CCNL1: variants seen among roughly 807,000 people sequenced by gnomAD.
The protein encoded by CCNL1 is cyclin-L1.
A neutral mutation model predicts 60.6 loss-of-function variants in CCNL1; 13 were observed. That is an observed-to-expected ratio of 0.21 (90% CI 0.14 to 0.34). The LOEUF (loss-of-function observed/expected upper bound fraction) is 0.34, where lower values mean the gene tolerates loss of function less well. Ranked by LOEUF, CCNL1 falls within the 10% of genes least tolerant of loss-of-function variation. The pLI, the probability that CCNL1 is intolerant of heterozygous loss-of-function variation, is 1.00. For synonymous variants in CCNL1, 270 were observed against 244.3 expected (o/e 1.10, Z -0.98); for missense variants, 481 against 664.3 (o/e 0.72, Z 3.03).
chr3:157,152,591 C>T, intron 4 of CCNL1: 2 of 1,079,644 alleles, frequency 1.9e-6, no homozygotes, highest in African/African-American at 1.7e-5. Flanking sequence ...CACTCTATGG[C>T]TTATATTGAT....
intron 4 of CCNL1, 36 bp downstream of exon 4, chr3:157,153,000 T>C (rs1319471826): frequency 6.2e-7 from 1 of 1,606,632 alleles, no homozygotes; most frequent in Non-Finnish European, 8.5e-7. Context: ...AAAGTCCTAA[T>C]ACTTACGAAC....
chr3:157,148,968 G>T (rs1405835974), intron 10 of CCNL1: 1 of 331,648 alleles, frequency 3.0e-6, no homozygotes, highest in Non-Finnish European at 5.5e-6. Flanking sequence ...TATTAATAAG[G>T]GGTTAATGAA....
Position 157,148,336 on chromosome 3 carries a change from T to C in CCNL1, c.1486A>G (p.Arg496Gly). 1.9e-6 allele frequency: 3 copies of C among 1,614,232 alleles called. No homozygotes were observed. Among genetic ancestry groups the C allele is most frequent in the South Asian group, 1.1e-5 (1 of 91,088 alleles). ...KKHRHERGHH[R>G]DRRERSRSFE... ...GAGCGAGATCGTTCACGCCTGTCCC[T>C]ATGATGTCCCCTTTCATGCCTGTGT... The change falls in exon 11 of 11, where the codon AGG becomes GGG. Residue 496 changes from arginine to glycine, a missense_variant. Physicochemically the swap from Arg to Gly is moderately radical, Grantham distance 125 (BLOSUM62 -2). Coordinates refer to ENST00000295926, the MANE Select transcript of CCNL1 (RefSeq NM_020307.4).
chr3:157,145,424 C>T (rs59865540), downstream of CCNL1, among the ~76,000 whole-genome samples: 26,493 of 106,412 alleles, frequency 0.25, 3,303 homozygotes, highest in Admixed American at 0.46. Context: ...GGAGACAGAG[C>T]GAGACTTCAT....
downstream of CCNL1, chr3:157,146,665 C>T (rs548122581): frequency 1.6e-5 from 6 of 371,346 alleles, no homozygotes; most frequent in East Asian, 4.7e-4. Flanking sequence ...GCTAACAGGG[C>T]CTTTGCTGAC....
At chr3:157,147,486 C>CAT (rs1286160598), downstream of CCNL1, 5 of 661,802 alleles carry the variant, frequency 7.6e-6, no homozygotes, top group East Asian at 6.8e-4. Flanking sequence ...TAGGGTACCT[C>CAT]ATTTCAGAAA....
intron 3 of CCNL1, chr3:157,154,079 T>C (rs916766919): frequency 1.3e-5 from 2 of 152,216 alleles, no homozygotes; most frequent in African/African-American, 4.8e-5. Context: ...GAAGTTTCTA[T>C]AATACAGAAG....
Position 157,160,126 on chromosome 3 carries a change from A to T in CCNL1, c.-32T>A, listed in dbSNP as rs772304472. On this transcript the variant is annotated 5_prime_UTR_variant, in exon 1 of 11. Coordinates refer to ENST00000295926, the MANE Select transcript of CCNL1 (RefSeq NM_020307.4). ...AGCGAGCCGCACGCAAGCCCAACGCAGCCGGAACCCGAAACAAGACTAACC... is the reference window on the plus strand; with the variant it reads ...AGCGAGCCGCACGCAAGCCCAACGCTGCCGGAACCCGAAACAAGACTAACC... The T allele has an allele frequency of 1.3e-6, 2 of 1,526,916 alleles. No homozygotes were observed. Among genetic ancestry groups the T allele is most frequent in the Non-Finnish European group, 1.8e-6 (2 of 1,134,776 alleles). 94.6% of individuals were successfully genotyped at this position (1,526,916 alleles called of 1,614,324 possible).
At chr3:157,159,004 A>G in intron 2 of CCNL1, 29 bp from the exon 3 acceptor site, 1 of 1,456,462 alleles carries the variant, frequency 6.9e-7, no homozygotes, top group South Asian at 1.2e-5. Context: ...CACAAAAGCC[A>G]TTGTTAGATT....
chr3:157,148,933 TTGAC>T, intron 10 of CCNL1: 1 of 334,692 alleles, frequency 3.0e-6, no homozygotes, highest in Non-Finnish European at 5.4e-6. Flanking sequence ...AGAAGATTCA[TTGAC>T]TGGTTAATTT....
At chr3:157,156,512 C>T (rs983357644) in intron 3 of CCNL1, among the ~76,000 whole-genome samples, 1 of 152,176 alleles carries the variant, frequency 6.6e-6, no homozygotes, top group Admixed American at 6.5e-5. Flanking sequence ...CTAAATTTAG[C>T]TGTTTATTGT....
intron 5 of CCNL1, chr3:157,150,602 C>G (rs1422200759): frequency 1.6e-6 from 2 of 1,220,720 alleles, no homozygotes; most frequent in African/African-American, 3.1e-5. Context: ...GAGCGAAGCC[C>G]TTTTAAATTA....
intron 3 of CCNL1, 123 bp downstream of exon 3, chr3:157,158,743 C>T: frequency 1.6e-6 from 1 of 608,000 alleles, no homozygotes; most frequent in East Asian, 2.9e-5. Context: ...ACTTTAACAC[C>T]TAAATTAAAG....
chr3:157,155,335 A>G (rs1354915206), intron 3 of CCNL1, among the ~76,000 whole-genome samples: 1 of 152,170 alleles, frequency 6.6e-6, no homozygotes, highest in Non-Finnish European at 1.5e-5. Flanking sequence ...TGTTCTTGCA[A>G]TTACACTAAA....
rs1351909507 is a variant in CCNL1, at chr3:157,148,498, T to G, written c.1324A>C (p.Asn442His). The G allele has an allele frequency of 7.4e-6, 12 of 1,614,218 alleles. No individual in the cohort carries two copies. The highest frequency in any genetic ancestry group is 1.0e-5 in the Non-Finnish European group (12 of 1,180,034). The change falls in exon 11 of 11, where the codon AAT becomes CAT. Residue 442 changes from asparagine to histidine, a missense_variant. Asn to His is a moderately conservative substitution (Grantham distance 68, BLOSUM62 1). This residue lies in a region of CCNL1 where 197 missense variants were observed against 233.9 expected (regional missense o/e 0.84). Coordinates refer to ENST00000295926, the MANE Select transcript of CCNL1 (RefSeq NM_020307.4). ...GCCTTAAGGTGAGGAGAACCATGAT[T>G]ATGATGTCTTCGAGGGCTTTCACTG... ...SHSESPRRHH[N>H]HGSPHLKAKH...
At chr3:157,149,684 C>T in intron 8 of CCNL1, 88 bp from the exon 9 acceptor site, 2 of 1,462,894 alleles carry the variant, frequency 1.4e-6, no homozygotes, top group Non-Finnish European at 9.4e-7. Flanking sequence ...AAGTACCATG[C>T]TTCCGCTTCC....
Position 157,159,987 on chromosome 3 carries a change from C to T in CCNL1, c.108G>A (p.Thr36=), listed in dbSNP as rs1286475951. The T allele has an allele frequency of 1.3e-6, 2 of 1,581,662 alleles. No homozygotes were observed. Among genetic ancestry groups the T allele is most frequent in the Non-Finnish European group, 1.7e-6 (2 of 1,163,996 alleles). The stretch of plus-strand genomic sequence containing the variant: ...GATCGCCGATCAGGATCCCTCCCGT[C>T]GTGGTCGTCGTCGTGGTCGTCGTCC... The part of the protein sequence containing the change: ...SSGTTTTTTT[T]TGGILIGDRL... The change falls in exon 1 of 11, where the codon ACG becomes ACA. Residue 36 remains threonine, a synonymous_variant. Coordinates refer to ENST00000295926, the MANE Select transcript of CCNL1 (RefSeq NM_020307.4).
downstream of CCNL1, chr3:157,146,565 A>G (rs750227612): frequency 1.1e-5 from 5 of 443,954 alleles, no homozygotes; most frequent in South Asian, 6.3e-5. Flanking sequence ...ACTTGAGGCC[A>G]GGAGTTCGTG....
Position 157,152,182 on chromosome 3 carries a change from A to G in CCNL1, c.669T>C (p.Thr223=). ...ECERNQTLVQ[T]AWNYMNDSLR... ...AATCTAAAAAAGTGACTTACCAGGC[A>G]GTTTGAACCAGGGTTTGATTACGTT... Residue 223 remains threonine, a synonymous_variant, in exon 5 of 11, where the codon ACT becomes ACC. Transcript: ENST00000295926. The G allele has an allele frequency of 6.2e-7, 1 of 1,611,504 alleles. No homozygotes were observed. Among genetic ancestry groups the G allele is most frequent in the African/African-American group, 1.3e-5 (1 of 74,958 alleles).
Sources: allele counts gnomAD v4.1 joint callset (sites outside exome capture counted in the v4.1 genomes callset), GRCh38; gene constraint gnomAD v4.1.1; regional missense constraint gnomAD v4.1.1; transcripts MANE v1.5; gene names NCBI Gene and HGNC (gene_info 2026-07-23, HGNC 2026-07-21).